MCTP2: variants seen among roughly 807,000 people sequenced by gnomAD.
MCTP2 encodes multiple C2 and transmembrane domain containing 2.
MCTP2 carries 132 observed loss-of-function variants against 111.6 expected under a neutral mutation model. The ratio of observed to expected loss-of-function variants is 1.18; its 90% CI spans 1.03 to 1.37. The LOEUF (loss-of-function observed/expected upper bound fraction) is 1.37. Among genes scored for constraint, MCTP2 ranks in the 40% most tolerant of loss-of-function variants. The pLI is 0.00. For missense variants in MCTP2, 1,183 were observed against 1,067.9 expected, an observed-to-expected ratio of 1.11 and a Z score of -1.50; for synonymous variants, 395 against 387.7, an observed-to-expected ratio of 1.02 and a Z score of -0.22.
intron 17 of MCTP2, among the ~76,000 whole-genome samples, chr15:94,405,825 A>G (rs2081869325): frequency 1.3e-5 from 2 of 152,048 alleles, no homozygotes; most frequent in Non-Finnish European, 2.9e-5. Context: ...TGTTTTTCAG[A>G]TATTTTGGTA....
At chr15:94,442,312 G>A (rs1475969174) in intron 18 of MCTP2, among the ~76,000 whole-genome samples, 1 of 152,196 alleles carries the variant, frequency 6.6e-6, no homozygotes, top group Non-Finnish European at 1.5e-5. Context: ...AAGGCCGTTA[G>A]CAGTACAGCT....
At chr15:94,342,997 CAT>C (rs1433109902) in intron 7 of MCTP2, 2 of 140,198 alleles carry the variant, frequency 1.4e-5, no homozygotes, top group East Asian at 2.0e-4. Context: ...CATATATACA[CAT>C]ATACACATAT....
intron 20 of MCTP2, among the ~76,000 whole-genome samples, chr15:94,461,987 C>T (rs929668791): frequency 8.5e-5 from 13 of 152,070 alleles, no homozygotes; most frequent in African/African-American, 2.4e-5. Flanking sequence ...AGTGTAGAAC[C>T]ATGCATATGT....
intron 4 of MCTP2, among the ~76,000 whole-genome samples, chr15:94,325,678 C>T (rs952763698): frequency 5.3e-5 from 8 of 150,130 alleles, no homozygotes; most frequent in Non-Finnish European, 1.0e-4. Context: ...AAGACTCTGT[C>T]GTGGATTGAG....
chr15:94,415,950 G>A (rs1447082595), intron 17 of MCTP2, among the ~76,000 whole-genome samples: 3 of 152,084 alleles, frequency 2.0e-5, no homozygotes, highest in Admixed American at 2.0e-4. Flanking sequence ...CTTTCCCAAT[G>A]GCAGTTTAGG....
chr15:94,317,912 T>A (rs2076446197), intron 4 of MCTP2, among the ~76,000 whole-genome samples: 1 of 147,808 alleles, frequency 6.8e-6, no homozygotes, highest in African/African-American at 2.5e-5. Context: ...TTCTTACCTA[T>A]CAAGTGTATC....
chr15:94,331,127 A>G (rs13380385), intron 4 of MCTP2, among the ~76,000 whole-genome samples: 3,864 of 152,340 alleles, frequency 0.025, 141 homozygotes, highest in African/African-American at 0.088. Flanking sequence ...TACTGAATTC[A>G]TCATGTTAAT....
chr15:94,355,529 G>A (rs1383874514), intron 8 of MCTP2, among the ~76,000 whole-genome samples: 1 of 152,154 alleles, frequency 6.6e-6, no homozygotes, highest in East Asian at 1.9e-4. Context: ...TGGGTCCCAG[G>A]TGCAGTGAGA....
In MCTP2 at chr15:94,339,292, A is replaced by G; in HGVS notation, c.640A>G (p.Thr214Ala). Reference protein sequence around the residue: ...RNLVVRDRCGTSDPYVKFKLN... With the variant: ...RNLVVRDRCGASDPYVKFKLN... ...CTTGTTTTCTTTTCCTTTTAAAGGC[A>G]CAAGTGATCCTTATGTGAAATTTAA... The change falls in exon 5 of 23, where the codon ACA becomes GCA. Residue 214 changes from threonine (T) to alanine (A), a missense_variant and splice_region_variant. Transcript: ENST00000357742. 1 of 1,593,118 alleles carries G rather than the reference A, an allele frequency of 6.3e-7. No homozygotes were observed. The highest frequency in any genetic ancestry group is 8.5e-7 in the Non-Finnish European group (1 of 1,172,452).
rs2080813810 is a variant in MCTP2, at chr15:94,390,074, A to ATATATATG, written c.1788+4556_1788+4557insGTATATAT. On this transcript the variant is annotated intron_variant, in intron 14 of 22. Transcript: ENST00000357742. The stretch of plus-strand genomic sequence containing the variant: ...CATATATATATATATATATATATAT[A>ATATATATG]TATATATATATATATGTATATATAT... Among the ~76,000 whole-genome samples the ATATATATG allele has an allele frequency of 4.5e-3, 116 of 25,844 alleles. 1 individual carries two copies. Among genetic ancestry groups the ATATATATG allele is most frequent in the South Asian group, 8.6e-3 (8 of 932 alleles). 17.0% of individuals were successfully genotyped at this position (25,844 alleles called of 152,430 possible).
Position 94,268,163 on chromosome 15 carries a change from G to A in MCTP2, c.-65-30038G>A, listed in dbSNP as rs2073684097. On this transcript the variant is annotated intron_variant, in intron 1 of 22. Transcript: ENST00000357742. The stretch of plus-strand genomic sequence containing the variant: ...TTACAGGTATGAGCCACCACGCCCG[G>A]CCCAAATTCATTCTTTCTTTCTTTT... Among the ~76,000 whole-genome samples, 3 of 146,168 alleles carry A rather than the reference G, an allele frequency of 2.1e-5. No individual in the cohort carries two copies. The Admixed American group carries it at 2.1e-4, about 10-fold the overall frequency.
chr15:94,479,058 A>G lies in MCTP2; in HGVS notation c.*24A>G, dbSNP rs1467488096. The G allele has an allele frequency of 1.2e-6, 2 of 1,611,548 alleles. No individual in the cohort carries two copies. Among genetic ancestry groups the G allele is most frequent in the African/African-American group, 1.3e-5 (1 of 75,028 alleles). ...AGGGCACACACCGACTTTGGACAGC[A>G]GCACCCAATATTGTGTTTGGTTGAG... On this transcript the variant is annotated 3_prime_UTR_variant, in exon 23 of 23. Transcript: ENST00000357742.
chr15:94,324,677 C>G (rs1387869855), intron 4 of MCTP2, among the ~76,000 whole-genome samples: 5 of 152,152 alleles, frequency 3.3e-5, no homozygotes, highest in South Asian at 2.1e-4. Flanking sequence ...CTACATAAGT[C>G]AAGTTCATAT....
At chr15:94,467,486 G>A (rs550072952) in intron 20 of MCTP2, among the ~76,000 whole-genome samples, 1 of 152,076 alleles carries the variant, frequency 6.6e-6, no homozygotes, top group East Asian at 1.9e-4. Context: ...TACTTCTACA[G>A]TTTAGTTTTT....
At chr15:94,374,363 T>A (rs1169596673) in intron 12 of MCTP2, among the ~76,000 whole-genome samples, 2 of 152,188 alleles carry the variant, frequency 1.3e-5, no homozygotes, top group Non-Finnish European at 2.9e-5. Flanking sequence ...AGTAGGAAAC[T>A]ATATTGGTTT....
chr15:94,360,843 T>C (rs1330324218), intron 10 of MCTP2, among the ~76,000 whole-genome samples: 2 of 127,360 alleles, frequency 1.6e-5, no homozygotes, highest in East Asian at 4.3e-4. Context: ...TCTTTATGAA[T>C]TTTAAAGAAT....
chr15:94,381,330 A>G lies in MCTP2; in HGVS notation c.1583-2692A>G, dbSNP rs1018877496. Among the ~76,000 whole-genome samples the G allele has an allele frequency of 2.6e-5, 4 of 152,224 alleles. No homozygotes were observed. The East Asian group carries it at 7.7e-4, about 29-fold the overall frequency. Reference sequence around the variant, plus strand: ...TGTTTCTTCTTGCTTCTCTCTGTTTATACTGTAAAATTAATAAATGCAGCA... The same window carrying G: ...TGTTTCTTCTTGCTTCTCTCTGTTTGTACTGTAAAATTAATAAATGCAGCA... On this transcript the variant is annotated intron_variant, in intron 12 of 22. Coordinates refer to ENST00000357742, the MANE Select transcript of MCTP2 (RefSeq NM_001385001.1).
At position 94,301,150 on chromosome 15, in the gene MCTP2, C is replaced by A. The variant is rs575017956; in HGVS notation, c.465+2420C>A. Among the ~76,000 whole-genome samples the A allele has an allele frequency of 3.3e-5, 5 of 152,202 alleles. No individual in the cohort carries two copies. The South Asian group carries it at 1.0e-3, about 32-fold the overall frequency. ...GAATCCTTTGCTCCTCTTTTTCTGACCTAGAAAGTACAAAACAAAGACCAA... is the reference window on the plus strand; with the variant it reads ...GAATCCTTTGCTCCTCTTTTTCTGAACTAGAAAGTACAAAACAAAGACCAA... On this transcript the variant is annotated intron_variant, in intron 2 of 22. Transcript: ENST00000357742.
chr15:94,340,762 A>G, intron 6 of MCTP2, 51 bp from the exon 7 acceptor site: 2 of 1,173,712 alleles, frequency 1.7e-6, no homozygotes, highest in East Asian at 2.4e-5. Context: ...GTGTAGGTCA[A>G]TACAGTCCTG....
Sources: allele counts gnomAD v4.1 joint callset (sites outside exome capture counted in the v4.1 genomes callset), GRCh38; gene constraint gnomAD v4.1.1; transcripts MANE v1.5; gene names NCBI Gene and HGNC (gene_info 2026-07-23, HGNC 2026-07-21).